ADARB2: variants seen among roughly 807,000 people sequenced by gnomAD.
ADARB2 encodes inactive double-stranded RNA-specific editase B2.
Under a neutral mutation model 62.2 loss-of-function variants are expected in ADARB2, and 25 were observed. The ratio of observed to expected loss-of-function variants is 0.40; its 90% CI spans 0.29 to 0.56. The LOEUF (loss-of-function observed/expected upper bound fraction) is 0.56. Among genes scored for constraint, ADARB2 ranks in the 20% least tolerant of loss-of-function variants. The pLI, the probability that ADARB2 is intolerant of heterozygous loss-of-function variation, is 0.43. For missense variants in ADARB2, 1,071 were observed against 1,077.4 expected, an observed-to-expected ratio of 0.99 and a Z score of 0.08; for synonymous variants, 572 against 500.8, an observed-to-expected ratio of 1.14 and a Z score of -1.90.
intron 1 of ADARB2, among the ~76,000 whole-genome samples, chr10:1,694,839 C>T (rs1834718828): frequency 1.3e-5 from 2 of 152,036 alleles, no homozygotes; most frequent in South Asian, 4.2e-4. Context: ...GGAGTGGGGT[C>T]TTCATGACTC....
At chr10:1,284,244 C>T (rs552534863) in intron 3 of ADARB2, among the ~76,000 whole-genome samples, 18 of 152,220 alleles carry the variant, frequency 1.2e-4, no homozygotes, top group South Asian at 8.3e-4. Flanking sequence ...GGACCCTGAC[C>T]GGCAGGGTGA....
chr10:1,227,463 T>A (rs924970912), intron 6 of ADARB2, among the ~76,000 whole-genome samples: 1 of 152,206 alleles, frequency 6.6e-6, no homozygotes, highest in Admixed American at 6.5e-5. Flanking sequence ...GGTACCTCAG[T>A]TGGAAATGCA....
chr10:1,623,938 C>T (rs1833736518), intron 1 of ADARB2, among the ~76,000 whole-genome samples: 1 of 152,144 alleles, frequency 6.6e-6, no homozygotes, highest in African/African-American at 2.4e-5. Context: ...GAAAGAGATT[C>T]AGGGTAAGAA....
intron 1 of ADARB2, among the ~76,000 whole-genome samples, chr10:1,505,148 T>G (rs1831824845): frequency 6.7e-6 from 1 of 150,178 alleles, no homozygotes; most frequent in African/African-American, 2.5e-5. Context: ...ACAGACACAC[T>G]GATACACGCA....
chr10:1,439,597 T>C (rs1430867678), intron 1 of ADARB2, among the ~76,000 whole-genome samples: 1 of 65,584 alleles, frequency 1.5e-5, no homozygotes, highest in African/African-American at 4.1e-5. Flanking sequence ...TCTCCCAGGA[T>C]GGAGGCAGGC....
At chr10:1,417,377 A>T (rs1232436573) in intron 1 of ADARB2, among the ~76,000 whole-genome samples, 1 of 152,168 alleles carries the variant, frequency 6.6e-6, no homozygotes, top group Non-Finnish European at 1.5e-5. Flanking sequence ...GTAGATGACC[A>T]GGGAGTGCAG....
chr10:1,307,588 C>T (rs1402854121), intron 3 of ADARB2, among the ~76,000 whole-genome samples: 1 of 142,338 alleles, frequency 7.0e-6, no homozygotes, highest in African/African-American at 2.6e-5. Context: ...GGGTATATAC[C>T]CAAAGGACTA....
intron 1 of ADARB2, among the ~76,000 whole-genome samples, chr10:1,542,864 G>T (rs571854184): frequency 9.0e-5 from 12 of 133,462 alleles, no homozygotes; most frequent in African/African-American, 3.3e-4. Flanking sequence ...CCACTCAGAT[G>T]TAGTTCAGAC....
Position 1,519,213 on chromosome 10 carries a change from G to A in ADARB2, c.101-140053C>T, listed in dbSNP as rs189699549. 1.6e-4 allele frequency among the ~76,000 whole-genome samples: 24 copies of A among 150,806 alleles called. No individual in the cohort carries two copies. The East Asian group carries it at 3.9e-3, about 25-fold the overall frequency. On this transcript the variant is annotated intron_variant, in intron 1 of 9. Transcript: ENST00000381312. ...GTCATACGCCTATATTCCATGTAAC[G>A]TCTGCATGTGGTGTGGTCACATGCA... is the stretch of plus-strand genomic sequence containing the variant.
intron 1 of ADARB2, among the ~76,000 whole-genome samples, chr10:1,610,755 C>T (rs1378685603): frequency 6.6e-6 from 1 of 152,042 alleles, no homozygotes; most frequent in Non-Finnish European, 1.5e-5. Context: ...GGCGCACACA[C>T]ACACACACAC....
chr10:1,569,339 G>GT (rs1832905389), intron 1 of ADARB2, among the ~76,000 whole-genome samples: 1 of 152,222 alleles, frequency 6.6e-6, no homozygotes, highest in African/African-American at 2.4e-5. Flanking sequence ...CTTCTTTGCT[G>GT]TTTCTTGCCC....
At chr10:1,532,768 G>A (rs1030019964) in intron 1 of ADARB2, among the ~76,000 whole-genome samples, 2 of 152,176 alleles carry the variant, frequency 1.3e-5, no homozygotes, top group Admixed American at 6.5e-5. Flanking sequence ...TGGGTCAATC[G>A]CACCTTCACT....
rs1170443755 is a variant in ADARB2 at position 1,325,192 on chromosome 10, T to A, written c.1077+37836A>T. 2.6e-5 allele frequency among the ~76,000 whole-genome samples: 4 copies of A among 152,260 alleles called. No homozygotes were observed. In the East Asian group the frequency reaches 7.7e-4, roughly 29 times the overall value. On this transcript the variant is annotated intron_variant, in intron 3 of 9. Transcript: ENST00000381312. ...CCAGCCTGACATGTCACAGATAGTG[T>A]CCATGAACCTCCGTGGACACAGAGT...
intron 1 of ADARB2, among the ~76,000 whole-genome samples, chr10:1,406,406 G>T (rs1348005111): frequency 2.6e-5 from 4 of 152,078 alleles, no homozygotes; most frequent in Non-Finnish European, 5.9e-5. Context: ...GGGAAGGAGA[G>T]AGTGGCCTGG....
chr10:1,454,426 C>T (rs1238609291), intron 1 of ADARB2, among the ~76,000 whole-genome samples: 1 of 152,036 alleles, frequency 6.6e-6, no homozygotes, highest in Non-Finnish European at 1.5e-5. Flanking sequence ...TTATGATGGG[C>T]AAAATTTGGA....
intron 1 of ADARB2, among the ~76,000 whole-genome samples, chr10:1,602,848 C>T (rs962795742): frequency 4.0e-5 from 6 of 151,802 alleles, no homozygotes; most frequent in Admixed American, 6.6e-5. Flanking sequence ...CATACACACA[C>T]CTCTACATAC....
intron 1 of ADARB2, among the ~76,000 whole-genome samples, chr10:1,404,937 G>A (rs760600327): frequency 1.3e-5 from 2 of 152,234 alleles, no homozygotes; most frequent in South Asian, 4.1e-4. Flanking sequence ...CACGCAGCTT[G>A]TTAAAGCAGC....
intron 1 of ADARB2, among the ~76,000 whole-genome samples, chr10:1,439,841 C>G (rs1190351827): frequency 1.4e-5 from 2 of 146,450 alleles, no homozygotes; most frequent in Admixed American, 1.4e-4. Flanking sequence ...GCAGGTCCTT[C>G]ACTGTGGGGC....
intron 1 of ADARB2, among the ~76,000 whole-genome samples, chr10:1,441,573 A>T (rs148150205): frequency 1.3e-5 from 2 of 152,338 alleles, no homozygotes; most frequent in African/African-American, 4.8e-5. Context: ...CTTCCTATGA[A>T]GTAGGTATTA....
Sources: gnomAD v4.1 joint callset for allele counts (sites outside exome capture counted in the v4.1 genomes callset) on GRCh38, gnomAD v4.1.1 for gene constraint, MANE v1.5 for transcripts, NCBI Gene and HGNC (gene_info 2026-07-23, HGNC 2026-07-21) for gene names.